Variants in HECW1 observed in about 807,000 individuals in gnomAD.
HECW1 encodes HECT, C2 and WW domain containing E3 ubiquitin protein ligase 1.
A neutral mutation model predicts 182.3 loss-of-function variants in HECW1; 61 were observed. The observed-to-expected ratio is 0.33, with a 90% CI of 0.27 to 0.41. The LOEUF (loss-of-function observed/expected upper bound fraction) is 0.41, where lower values mean the gene tolerates loss of function less well. Ranked by LOEUF, HECW1 falls within the 10% of genes least tolerant of loss-of-function variation. The probability of loss-of-function intolerance (pLI) is 1.00; values close to 1 mark genes in which losing one functional copy is unlikely to be tolerated. For missense variants in HECW1, 1,739 were observed against 2,108.9 expected, an observed-to-expected ratio of 0.82 and a Z score of 3.44; for synonymous variants, 859 against 832.6, an observed-to-expected ratio of 1.03 and a Z score of -0.55.
At chr7:43,354,621 G>T (rs1181693610) in intron 5 of HECW1, among the ~76,000 whole-genome samples, 4 of 151,802 alleles carry the variant, frequency 2.6e-5, no homozygotes, top group African/African-American at 4.8e-5. Context: ...GGAGAAAAAA[G>T]AAAAAACAAT....
chr7:43,440,664 AT>A (rs1247642531), intron 9 of HECW1: 2 of 152,186 alleles, frequency 1.3e-5, no homozygotes, highest in Non-Finnish European at 2.9e-5. Flanking sequence ...CCACTGTCTG[AT>A]TGTCTTTAGG....
chr7:43,320,815 C>A, intron 5 of HECW1, 73 bp downstream of exon 5: 2 of 1,107,102 alleles, frequency 1.8e-6, no homozygotes, highest in South Asian at 1.3e-5. Flanking sequence ...ATTATTTGTT[C>A]CCGTTGCACT....
chr7:43,309,289 A>T (rs1808199174), intron 3 of HECW1, among the ~76,000 whole-genome samples: 1 of 152,140 alleles, frequency 6.6e-6, no homozygotes, highest in Non-Finnish European at 1.5e-5. Context: ...GTGTGCAAAG[A>T]CAGGGTGGTG....
chr7:43,468,578 A>G (rs1004583529), intron 15 of HECW1, among the ~76,000 whole-genome samples: 6 of 152,020 alleles, frequency 3.9e-5, no homozygotes, highest in African/African-American at 1.5e-4. Context: ...CTGGAGTGCA[A>G]CGGCACAATC....
At chr7:43,196,505 T>C (rs752202989) in intron 2 of HECW1, among the ~76,000 whole-genome samples, 11 of 152,194 alleles carry the variant, frequency 7.2e-5, no homozygotes, top group Non-Finnish European at 1.2e-4. Flanking sequence ...GATGATCTCA[T>C]TCAGCGTTGG....
chr7:43,265,652 A>C (rs907744532), intron 3 of HECW1, among the ~76,000 whole-genome samples: 34 of 152,202 alleles, frequency 2.2e-4, no homozygotes, highest in African/African-American at 4.6e-4. Context: ...CCTGAGACCA[A>C]CTGGGTATCC....
In HECW1 at chr7:43,508,927, C is replaced by T. The variant is rs146483257; in HGVS notation, c.3867-42C>T. On this transcript the variant is annotated intron_variant, in intron 23 of 29. Coordinates refer to ENST00000395891, the MANE Select transcript of HECW1 (RefSeq NM_015052.5). ...GGGTGCAAACAGGTCCCCCCACCTC[C>T]GGGCACAGAATGAGCTTCCTGGACC... 812 of 1,604,618 alleles carry T rather than the reference C, an allele frequency of 5.1e-4. 6 individuals carry two copies. In the East Asian group the frequency reaches 6.1e-3, roughly 12 times the overall value.
intron 15 of HECW1, among the ~76,000 whole-genome samples, chr7:43,468,454 C>T (rs552133813): frequency 6.6e-6 from 1 of 151,912 alleles, no homozygotes; most frequent in Admixed American, 6.5e-5. Flanking sequence ...CCAAGCTGCA[C>T]AGCACTCAGG....
chr7:43,454,472 C>T (rs2077335672), intron 12 of HECW1, among the ~76,000 whole-genome samples: 1 of 152,144 alleles, frequency 6.6e-6, no homozygotes, highest in Non-Finnish European at 1.5e-5. Context: ...CATCCATGAG[C>T]TAATTACCAT....
chr7:43,179,341 C>G (rs1226229239), intron 2 of HECW1, among the ~76,000 whole-genome samples: 2 of 152,168 alleles, frequency 1.3e-5, no homozygotes, highest in East Asian at 3.8e-4. Context: ...GCCCCTTACT[C>G]CCAAGTCTGA....
chr7:43,457,350 G>A (rs2152889474), intron 13 of HECW1, among the ~76,000 whole-genome samples: 1 of 152,344 alleles, frequency 6.6e-6, no homozygotes, highest in East Asian at 1.9e-4. Flanking sequence ...GAAGGTGAAG[G>A]AAAAGTTGAG....
chr7:43,221,444 T>TTAAA (rs1369089294), intron 2 of HECW1, among the ~76,000 whole-genome samples: 3 of 150,970 alleles, frequency 2.0e-5, no homozygotes, highest in Non-Finnish European at 4.4e-5. Flanking sequence ...CCACAAATTT[T>TTAAA]TAAATCTCCT....
intron 2 of HECW1, among the ~76,000 whole-genome samples, chr7:43,192,262 C>A (rs1228212107): frequency 1.3e-5 from 2 of 152,202 alleles, no homozygotes; most frequent in South Asian, 2.1e-4. Context: ...CCTGGCAAGA[C>A]CTAGTATTAA....
intron 11 of HECW1, among the ~76,000 whole-genome samples, chr7:43,448,596 G>A (rs751006596): frequency 1.2e-4 from 18 of 152,136 alleles, no homozygotes; most frequent in South Asian, 2.1e-4. Flanking sequence ...ACCAAGTGAG[G>A]GTTCTTCCAG....
intron 6 of HECW1, among the ~76,000 whole-genome samples, chr7:43,390,627 T>C (rs1380785469): frequency 6.6e-6 from 1 of 151,082 alleles, no homozygotes; most frequent in Non-Finnish European, 1.5e-5. Context: ...CCAGGCTAGA[T>C]CTGAGGAAAT....
rs531623127 is a variant in HECW1, at chr7:43,479,635, G to A, written c.3125G>A (p.Arg1042Gln). Residue 1042 changes from arginine (R) to glutamine (Q), a missense_variant, in exon 17 of 30, where the codon CGA (arginine) becomes CAA (glutamine). Physicochemically the swap from Arg to Gln is conservative, Grantham distance 43 (BLOSUM62 1). Transcript: ENST00000395891. ...TCTTTTTTCGTGGACCACAACAGTC[G>A]AGCTACCACTTTCATTGACCCCCGA... is the stretch of plus-strand genomic sequence containing the variant. ...GKSFFVDHNS[R>Q]ATTFIDPRIP... 12 of 1,613,724 alleles carry A rather than the reference G, an allele frequency of 7.4e-6. No homozygotes were observed. The highest frequency in any genetic ancestry group is 7.6e-6 in the Non-Finnish European group (9 of 1,179,972).
intron 6 of HECW1, among the ~76,000 whole-genome samples, chr7:43,362,535 G>A (rs1816094826): frequency 6.6e-6 from 1 of 152,208 alleles, no homozygotes; most frequent in Admixed American, 6.5e-5. Context: ...TGTCCTCAGA[G>A]TGCCAGAACC....
chr7:43,156,450 A>G (rs1270137811), intron 2 of HECW1, among the ~76,000 whole-genome samples: 1 of 152,212 alleles, frequency 6.6e-6, no homozygotes, highest in Non-Finnish European at 1.5e-5. Flanking sequence ...GAGTAAATGT[A>G]GAATTAATAT....
intron 8 of HECW1, among the ~76,000 whole-genome samples, chr7:43,411,992 TTC>T (rs1476091338): frequency 6.6e-6 from 1 of 152,192 alleles, no homozygotes; most frequent in Non-Finnish European, 1.5e-5. Context: ...ATTATTTGTT[TTC>T]TGTTTGTCCT....
Sources: gnomAD v4.1 joint callset for allele counts (sites outside exome capture counted in the v4.1 genomes callset) on GRCh38, gnomAD v4.1.1 for gene constraint, MANE v1.5 for transcripts, NCBI Gene and HGNC (gene_info 2026-07-23, HGNC 2026-07-21) for gene names.